The following VASH2 variants were observed in gnomAD, a reference collection of about 807,000 sequenced individuals.
VASH2 encodes the protein vasohibin 2.
In VASH2, 28 loss-of-function variants were observed where a neutral mutation model predicts 37.2. The ratio of observed to expected loss-of-function variants is 0.75; its 90% CI spans 0.56 to 1.03. The LOEUF (loss-of-function observed/expected upper bound fraction) is 1.03. Among genes scored for constraint, VASH2 ranks in the 50% least tolerant of loss-of-function variants. The probability of loss-of-function intolerance (pLI) is 0.00; values close to 1 mark genes in which losing one functional copy is unlikely to be tolerated. For synonymous variants in VASH2, 188 were observed against 174.7 expected (o/e 1.08, Z -0.60); for missense variants, 419 against 459.1 (o/e 0.91, Z 0.80).
intron 4 of VASH2, chr1:212,966,008 ACT>A (rs1666828975): frequency 1.7e-6 from 1 of 598,728 alleles, no homozygotes; most frequent in South Asian, 2.1e-5. Flanking sequence ...AGGCTTGTAA[ACT>A]CTGCCTCTCG....
chr1:212,956,974 G>A (rs187284052), intron 2 of VASH2, among the ~76,000 whole-genome samples: 158 of 152,220 alleles, frequency 1.0e-3, no homozygotes, highest in African/African-American at 2.9e-3. Context: ...ATCTCCAGAC[G>A]TTTTTCATCT....
At chr1:212,983,066 CAG>C (rs1667381680) in intron 7 of VASH2, among the ~76,000 whole-genome samples, 1 of 152,210 alleles carries the variant, frequency 6.6e-6, no homozygotes, top group Non-Finnish European at 1.5e-5. Flanking sequence ...ATAAAGGTAA[CAG>C]ATGATTCACT....
In VASH2 at chr1:212,981,566, A is replaced by T. The variant is rs537247848; in HGVS notation, c.996-6946A>T. Among the ~76,000 whole-genome samples, 52 of 152,290 alleles carry T rather than the reference A, an allele frequency of 3.4e-4. 2 individuals are homozygous for T. The highest frequency in any genetic ancestry group is 1.2e-3 in the African/African-American group (50 of 41,570). On this transcript the variant is annotated intron_variant, in intron 7 of 7. Coordinates refer to ENST00000517399, the MANE Select transcript of VASH2 (RefSeq NM_001301056.2). ...GCTGGGCCAAGAGCACCCCTGGTTT[A>T]ATCTCTTCCACATTCTTAACATCCG... is the stretch of plus-strand genomic sequence containing the variant.
intron 7 of VASH2, among the ~76,000 whole-genome samples, chr1:212,986,238 C>T (rs549972775): frequency 1.3e-5 from 2 of 152,240 alleles, no homozygotes; most frequent in South Asian, 4.1e-4. Context: ...ATCCTTTTGC[C>T]TTATCCTGCA....
intron 3 of VASH2, 107 bp downstream of exon 3, chr1:212,961,361 G>C (rs998648920): frequency 9.5e-6 from 15 of 1,584,594 alleles, no homozygotes. Context: ...GCTCTCTAAG[G>C]TTGGTGAGGC....
chr1:212,963,062 T>C (rs1033563145), intron 3 of VASH2, among the ~76,000 whole-genome samples: 1 of 152,132 alleles, frequency 6.6e-6, no homozygotes, highest in Non-Finnish European at 1.5e-5. Flanking sequence ...ACAAGGATCA[T>C]CTGGCTGAGA....
intron 7 of VASH2, among the ~76,000 whole-genome samples, chr1:212,981,839 C>A (rs961076704): frequency 6.6e-6 from 1 of 152,230 alleles, no homozygotes; most frequent in Non-Finnish European, 1.5e-5. Context: ...CCCAGATACA[C>A]CCCTATGCAT....
In VASH2 at chr1:212,971,368, A is replaced by G. The variant is rs542058676; in HGVS notation, c.498-1212A>G. 7.2e-4 allele frequency among the ~76,000 whole-genome samples: 109 copies of G among 152,332 alleles called. No individual in the cohort carries two copies. The highest frequency in any genetic ancestry group is 2.5e-3 in the African/African-American group (102 of 41,574). On this transcript the variant is annotated intron_variant, in intron 5 of 7. Transcript: ENST00000517399. The surrounding 1 kb of genome is among the most constrained non-coding windows in gnomAD (Gnocchi z 4.0). Reference sequence around the variant, plus strand: ...CTGTTGAATTATTTGAGGAATTGCCATACTGATCACATTGTGTGCATTCTG... The same window carrying G: ...CTGTTGAATTATTTGAGGAATTGCCGTACTGATCACATTGTGTGCATTCTG...
At chr1:212,963,729 TTAACTC>T (rs1476324475) in intron 3 of VASH2, among the ~76,000 whole-genome samples, 2 of 152,110 alleles carry the variant, frequency 1.3e-5, no homozygotes, top group Non-Finnish European at 2.9e-5. Flanking sequence ...GACTCAATGA[TTAACTC>T]TAAGGAACTG....
intron 6 of VASH2, chr1:212,973,708 G>T: frequency 7.7e-7 from 1 of 1,292,044 alleles, no homozygotes; most frequent in Non-Finnish European, 9.9e-7. Context: ...CTCTCTACAC[G>T]GCACAGGGAG....
At chr1:212,962,492 C>A (rs1160950939) in intron 3 of VASH2, among the ~76,000 whole-genome samples, 1 of 152,192 alleles carries the variant, frequency 6.6e-6, no homozygotes, top group Non-Finnish European at 1.5e-5. Context: ...ACACATGCCC[C>A]ACATGTCCCA....
intron 2 of VASH2, among the ~76,000 whole-genome samples, chr1:212,954,140 TAGGCTCG>T (rs1666411456): frequency 6.6e-6 from 1 of 152,220 alleles, no homozygotes; most frequent in African/African-American, 2.4e-5. Flanking sequence ...CTCAAACTTC[TAGGCTCG>T]AGCGATTCTC....
At chr1:212,973,363 C>G (rs1667068980) in intron 6 of VASH2, 2 of 1,283,932 alleles carry the variant, frequency 1.6e-6, no homozygotes, top group Admixed American at 4.6e-5. Context: ...ATACGTCCCT[C>G]TTCTCTCTCT....
At chr1:212,970,353 C>G (rs1666972948) in intron 5 of VASH2, among the ~76,000 whole-genome samples, 1 of 152,184 alleles carries the variant, frequency 6.6e-6, no homozygotes, top group Non-Finnish European at 1.5e-5. Context: ...CTGGTGCTCT[C>G]TCTTGTCTCC....
At chr1:212,979,994 G>C (rs529310189) in intron 7 of VASH2, among the ~76,000 whole-genome samples, 7 of 152,294 alleles carry the variant, frequency 4.6e-5, no homozygotes, top group Non-Finnish European at 8.8e-5. Context: ...TGGGAGAGGA[G>C]GGTTAGAAGT....
chr1:212,983,862 C>T (rs559118472), intron 7 of VASH2, among the ~76,000 whole-genome samples: 1 of 152,276 alleles, frequency 6.6e-6, no homozygotes, highest in East Asian at 1.9e-4. Flanking sequence ...GTGAAGTTTG[C>T]ATTGTGGTTC....
intron 2 of VASH2, among the ~76,000 whole-genome samples, chr1:212,953,871 C>T (rs1666401892): frequency 6.6e-6 from 1 of 152,090 alleles, no homozygotes; most frequent in South Asian, 2.1e-4. Flanking sequence ...TTCCTTTGGC[C>T]TTCTTTGTCC....
At chr1:212,956,839 T>A (rs992840532) in intron 2 of VASH2, among the ~76,000 whole-genome samples, 8 of 152,250 alleles carry the variant, frequency 5.3e-5, no homozygotes, top group Admixed American at 3.9e-4. Context: ...TGTCTTTTCG[T>A]GGCTCTTAAA....
intron 7 of VASH2, among the ~76,000 whole-genome samples, chr1:212,975,800 T>A (rs577822714): frequency 1.3e-5 from 2 of 152,196 alleles, no homozygotes; most frequent in Non-Finnish European, 2.9e-5. Context: ...CTTCAGCAAA[T>A]GTCGAGCAGA....
Sources: gnomAD v4.1 joint callset for allele counts (sites outside exome capture counted in the v4.1 genomes callset) on GRCh38, gnomAD v4.1.1 for gene constraint, Gnocchi (gnomAD v3.1) non-coding constraint, MANE v1.5 for transcripts, NCBI Gene and HGNC (gene_info 2026-07-23, HGNC 2026-07-21) for gene names.